FAM53A: variants seen among roughly 807,000 people sequenced by gnomAD.
The protein encoded by FAM53A is family with sequence similarity 53 member A.
Under a neutral mutation model 26.6 loss-of-function variants are expected in FAM53A, and 28 were observed. That is an observed-to-expected ratio of 1.05 (90% CI 0.78 to 1.45). The LOEUF is 1.45. Among genes scored for constraint, FAM53A ranks in the 40% most tolerant of loss-of-function variants. The pLI is 0.00. For synonymous variants in FAM53A, 290 were observed against 253.1 expected, an observed-to-expected ratio of 1.15 and a Z score of -1.38; for missense variants, 650 against 575.8, an observed-to-expected ratio of 1.13 and a Z score of -1.32.
Position 1,656,002 on chromosome 4 carries a change from C to T in FAM53A, c.137-279G>A, listed in dbSNP as rs187831516. ...CGGTGCCTCCCTGAGAACAACCGCA[C>T]GGCTCTGCTCTCCCGACAGCTTTGC... On this transcript the variant is annotated intron_variant, in intron 3 of 4. Transcript: ENST00000308132. Among the ~76,000 whole-genome samples the T allele has an allele frequency of 1.4e-4, 22 of 152,312 alleles. No individual in the cohort carries two copies. In the East Asian group the frequency reaches 3.3e-3, roughly 23 times the overall value.
chr4:1,598,263 C>G, the FAM53A span, among the ~76,000 whole-genome samples: 1 of 152,362 alleles, frequency 6.6e-6, no homozygotes, highest in East Asian at 1.9e-4. Flanking sequence ...AGCGGACTGC[C>G]TGCTCTGATC....
At chr4:1,627,588 C>T (rs960099097) in intron 1 of FAM53A, among the ~76,000 whole-genome samples, 2 of 152,196 alleles carry the variant, frequency 1.3e-5, no homozygotes, top group African/African-American at 2.4e-5. Flanking sequence ...GGCTCCCATC[C>T]GCCGTGGGCC....
rs762829708 is a variant in FAM53A at position 1,644,299 on chromosome 4, AGGCCTCGGACGCG to A, written c.883-2705_883-2693del. 2.6e-6 allele frequency: 4 copies of A among 1,535,810 alleles called. No homozygotes were observed. The African/African-American group carries it at 5.5e-5, about 21-fold the overall frequency. On this transcript the variant is annotated intron_variant, in intron 4 of 4. Transcript: ENST00000308132. ...CGACAGATGCTGTAAGCTCACGCCG[AGGCCTCGGACGCG>A]GGACTCGCACTCGCGGGCACAGCTG...
intron 1 of FAM53A, among the ~76,000 whole-genome samples, chr4:1,634,030 C>A (rs1216249622): frequency 1.3e-5 from 2 of 152,046 alleles, no homozygotes; most frequent in African/African-American, 4.8e-5. Flanking sequence ...AGCAGAACAC[C>A]AGGAGGGGCC....
intron 1 of FAM53A, among the ~76,000 whole-genome samples, chr4:1,624,057 G>A (rs1400607002): frequency 1.3e-5 from 2 of 152,214 alleles, no homozygotes; most frequent in Non-Finnish European, 2.9e-5. Flanking sequence ...GCTGTGGGTG[G>A]CCTGTCCTAC....
intron 1 of FAM53A, among the ~76,000 whole-genome samples, chr4:1,675,122 G>C (rs2109039370): frequency 6.6e-6 from 1 of 152,294 alleles, no homozygotes; most frequent in East Asian, 1.9e-4. Context: ...TAAACAAGAG[G>C]GTCCCGGAAA....
intron 1 of FAM53A, among the ~76,000 whole-genome samples, chr4:1,672,520 A>C (rs1048136156): frequency 1.3e-5 from 2 of 152,136 alleles, no homozygotes; most frequent in Non-Finnish European, 2.9e-5. Flanking sequence ...CCACTTGACC[A>C]ATGTCCCAAC....
chr4:1,648,809 A>C (rs79710755), intron 4 of FAM53A, among the ~76,000 whole-genome samples: 32,520 of 152,224 alleles, frequency 0.21, 3,914 homozygotes, highest in Middle Eastern at 0.28. Context: ...TCATTAACAA[A>C]GTCACTGAAG....
chr4:1,617,060 C>T (rs61612427), downstream of FAM53A, among the ~76,000 whole-genome samples: 5,430 of 131,656 alleles, frequency 0.041, 580 homozygotes, highest in African/African-American at 0.14. Context: ...TCACTTGAAC[C>T]CAGAGGGCGG....
At chr4:1,592,908 G>A in the FAM53A span, among the ~76,000 whole-genome samples, 3 of 151,942 alleles carry the variant, frequency 2.0e-5, no homozygotes, top group Non-Finnish European at 4.4e-5. Flanking sequence ...GCACATGGCC[G>A]AGGTCCTGGC....
intron 1 of FAM53A, among the ~76,000 whole-genome samples, chr4:1,633,473 T>C (rs1715702321): frequency 6.6e-6 from 1 of 152,126 alleles, no homozygotes; most frequent in African/African-American, 2.4e-5. Flanking sequence ...ATGCTTTTAT[T>C]ACTGAGCAAG....
chr4:1,658,363 G>C (rs988626073), intron 2 of FAM53A, among the ~76,000 whole-genome samples: 4 of 152,202 alleles, frequency 2.6e-5, no homozygotes, highest in Non-Finnish European at 5.9e-5. Context: ...TCCTGTCCCT[G>C]CTCCTGAAGC....
intron 1 of FAM53A, among the ~76,000 whole-genome samples, chr4:1,628,891 G>A (rs1016412915): frequency 6.6e-6 from 1 of 151,624 alleles, no homozygotes; most frequent in Non-Finnish European, 1.5e-5. Flanking sequence ...TTCGCCCACT[G>A]CAGGGTCCCC....
In FAM53A at chr4:1,640,989, T is replaced by C; in HGVS notation, c.*304A>G. 1 of 381,442 alleles carries C rather than the reference T, an allele frequency of 2.6e-6. No individual in the cohort carries two copies. The highest frequency in any genetic ancestry group is 8.6e-4 in the Middle Eastern group (1 of 1,166). 23.6% of individuals were successfully genotyped at this position (381,442 alleles called of 1,614,324 possible). A position where few individuals can be genotyped will look rare whatever the true frequency, so the allele number is the denominator to read the frequency against. On this transcript the variant is annotated 3_prime_UTR_variant, in exon 5 of 5. Transcript: ENST00000308132. The stretch of plus-strand genomic sequence containing the variant: ...GGCCCCGACCAGCTCACAGGAAACC[T>C]ACTCTGTGCCCCAGGGCAGGTGCCG...
chr4:1,585,897 G>C, the FAM53A span, among the ~76,000 whole-genome samples: 1 of 152,032 alleles, frequency 6.6e-6, no homozygotes, highest in Non-Finnish European at 1.5e-5. Context: ...GCTAATTTGT[G>C]TGTGTGTGTG....
Position 1,655,724 on chromosome 4 carries a change from C to G in FAM53A, c.137-1G>C. The stretch of plus-strand genomic sequence containing the variant: ...CTGAAGACCTTCCAGGGACTCTGGT[C>G]TACAAAAAAAGACACAAAGAGGCAG... On this transcript the variant is annotated splice_acceptor_variant, in intron 3 of 4. Coordinates refer to ENST00000308132, the MANE Select transcript of FAM53A (RefSeq NM_001174070.3). LOFTEE classifies it high-confidence loss of function. The G allele has an allele frequency of 6.4e-7, 1 of 1,551,724 alleles. No individual in the cohort carries two copies. The highest frequency in any genetic ancestry group is 1.4e-5 in the African/African-American group (1 of 72,216).
At chr4:1,586,393 T>A in the FAM53A span, among the ~76,000 whole-genome samples, 1 of 151,728 alleles carries the variant, frequency 6.6e-6, no homozygotes, top group South Asian at 2.1e-4. Flanking sequence ...CGGGGTTTCA[T>A]CATGTTGGCC....
the FAM53A span, among the ~76,000 whole-genome samples, chr4:1,603,829 TCA>T: frequency 6.6e-6 from 1 of 152,026 alleles, no homozygotes; most frequent in Non-Finnish European, 1.5e-5. Flanking sequence ...GTGTGGAGCC[TCA>T]GAGGCTGGCA....
intron 4 of FAM53A, among the ~76,000 whole-genome samples, chr4:1,643,480 A>C (rs1224858799): frequency 1.3e-5 from 2 of 151,944 alleles, no homozygotes; most frequent in Non-Finnish European, 2.9e-5. Flanking sequence ...AAATAAATAA[A>C]TAGACAAAAG....
Sources: allele counts gnomAD v4.1 joint callset (sites outside exome capture counted in the v4.1 genomes callset), GRCh38; gene constraint gnomAD v4.1.1; transcripts MANE v1.5; gene names NCBI Gene and HGNC (gene_info 2026-07-23, HGNC 2026-07-21).